The following ZNF567 variants were observed in gnomAD, a reference collection of about 807,000 sequenced individuals.
The protein encoded by ZNF567 is zinc finger protein 567.
In ZNF567, 36 loss-of-function variants were observed where a neutral mutation model predicts 53.9. The ratio of observed to expected loss-of-function variants is 0.67; its 90% CI spans 0.51 to 0.88. The LOEUF (loss-of-function observed/expected upper bound fraction) is 0.88. Among genes scored for constraint, ZNF567 ranks in the 40% least tolerant of loss-of-function variants. The probability of loss-of-function intolerance (pLI) is 0.00; values close to 1 mark genes in which losing one functional copy is unlikely to be tolerated. For missense variants in ZNF567, 619 were observed against 764.7 expected (o/e 0.81, Z 2.25); for synonymous variants, 224 against 260.4 (o/e 0.86, Z 1.35).
the ZNF567 span, among the ~76,000 whole-genome samples, chr19:36,673,182 T>C: frequency 2.0e-5 from 3 of 152,184 alleles, no homozygotes; most frequent in African/African-American, 7.2e-5. Flanking sequence ...GTTAGTTATT[T>C]TTGGTTTTAT....
At chr19:36,671,420 C>T in the ZNF567 span, among the ~76,000 whole-genome samples, 3 of 152,306 alleles carry the variant, frequency 2.0e-5, no homozygotes, top group South Asian at 4.1e-4. Flanking sequence ...TTGGAAGCAA[C>T]GCATTCCTCA....
chr19:36,725,739 C>T (rs1043165526), downstream of ZNF567, among the ~76,000 whole-genome samples: 1 of 152,116 alleles, frequency 6.6e-6, no homozygotes, highest in African/African-American at 2.4e-5. Flanking sequence ...GCCTCGACCT[C>T]CTGGATTTAA....
intron 1 of ZNF567, 57 bp from the exon 2 acceptor site, chr19:36,689,340 A>G (rs1274725413): frequency 6.7e-6 from 1 of 149,836 alleles, no homozygotes; most frequent in Non-Finnish European, 1.5e-5. Flanking sequence ...AGGATACATG[A>G]TTAGTTTCTT....
downstream of ZNF567, among the ~76,000 whole-genome samples, chr19:36,721,732 C>CTTTTTTTTTTTTTTTTTTTTTTTTTTTTT (rs756276834): frequency 8.2e-6 from 1 of 121,654 alleles, no homozygotes; most frequent in Admixed American, 1.0e-4. Context: ...GTACCAGAGT[C>CTTTTTTTTTTTTTTTTTTTTTTTTTTTTT]TTTTTTTTTT....
intron 3 of ZNF567, among the ~76,000 whole-genome samples, chr19:36,702,261 C>T (rs2039235914): frequency 1.3e-5 from 2 of 152,242 alleles, no homozygotes; most frequent in South Asian, 4.2e-4. Flanking sequence ...CCCCCACTGT[C>T]TTCTGGCTTG....
chr19:36,673,656 A>C, the ZNF567 span, among the ~76,000 whole-genome samples: 2 of 152,264 alleles, frequency 1.3e-5, no homozygotes, highest in Admixed American at 1.3e-4. Flanking sequence ...TCCTTAAAAT[A>C]AATCTTTCTG....
downstream of ZNF567, among the ~76,000 whole-genome samples, chr19:36,722,162 C>T (rs545877120): frequency 2.2e-4 from 33 of 152,264 alleles, 1 homozygote; most frequent in South Asian, 4.1e-3. Context: ...GTGACTTCCA[C>T]GGTATCCTTT....
intron 3 of ZNF567, among the ~76,000 whole-genome samples, chr19:36,705,592 A>G (rs1166098932): frequency 1.3e-5 from 2 of 152,182 alleles, no homozygotes; most frequent in Non-Finnish European, 2.9e-5. Flanking sequence ...AGCACAGAGT[A>G]CAGTTTAATT....
At chr19:36,692,313 A>C (rs2038659027) in intron 2 of ZNF567, among the ~76,000 whole-genome samples, 1 of 152,248 alleles carries the variant, frequency 6.6e-6, no homozygotes, top group Non-Finnish European at 1.5e-5. Flanking sequence ...TAATGAATGC[A>C]TGGAAAACTA....
chr19:36,705,323 T>C (rs2039435324), intron 3 of ZNF567, among the ~76,000 whole-genome samples: 1 of 152,206 alleles, frequency 6.6e-6, no homozygotes, highest in Non-Finnish European at 1.5e-5. Flanking sequence ...ATAGAAGCTT[T>C]AAATGCTATA....
chr19:36,669,270 T>A, the ZNF567 span: 1 of 152,084 alleles, frequency 6.6e-6, no homozygotes, highest in Non-Finnish European at 1.5e-5. Context: ...TGTATGACAG[T>A]GAAGGGGTAT....
intron 5 of ZNF567, among the ~76,000 whole-genome samples, chr19:36,716,320 A>G (rs2040064682): frequency 1.3e-5 from 2 of 152,150 alleles, no homozygotes; most frequent in African/African-American, 2.4e-5. Context: ...TTTATACTAT[A>G]TCTTTTAAGT....
At chr19:36,671,077 G>A in the ZNF567 span, among the ~76,000 whole-genome samples, 1 of 152,200 alleles carries the variant, frequency 6.6e-6, no homozygotes, top group Non-Finnish European at 1.5e-5. Flanking sequence ...ACTCCAGCCT[G>A]GGCGACAGAG....
chr19:36,707,738 C>T (rs933228550), intron 3 of ZNF567, among the ~76,000 whole-genome samples: 2 of 151,848 alleles, frequency 1.3e-5, no homozygotes, highest in Non-Finnish European at 2.9e-5. Context: ...CCACCATGCC[C>T]GGCTAATTTT....
At chr19:36,722,905 TGACTA>T (rs1238788992), downstream of ZNF567, among the ~76,000 whole-genome samples, 13 of 151,364 alleles carry the variant, frequency 8.6e-5, no homozygotes, top group Non-Finnish European at 1.5e-4. Context: ...TTGTCTATAA[TGACTA>T]GACATGTCAT....
intron 3 of ZNF567, among the ~76,000 whole-genome samples, chr19:36,706,342 G>A (rs1296658280): frequency 1.3e-5 from 2 of 152,192 alleles, no homozygotes; most frequent in Non-Finnish European, 2.9e-5. Flanking sequence ...AGCCCAGGCT[G>A]GATTTCAGTG....
At chr19:36,698,981 C>A (rs1173587617) in intron 3 of ZNF567, among the ~76,000 whole-genome samples, 2 of 152,150 alleles carry the variant, frequency 1.3e-5, no homozygotes, top group Admixed American at 1.3e-4. Flanking sequence ...GTGTTTTAGT[C>A]ATGGAGTCCT....
At chr19:36,670,868 A>C in the ZNF567 span, among the ~76,000 whole-genome samples, 9 of 152,132 alleles carry the variant, frequency 5.9e-5, no homozygotes, top group Admixed American at 5.2e-4. Flanking sequence ...TTGGGAGGCC[A>C]AGGCATGTGG....
chr19:36,708,094 C>T (rs1362572306), intron 3 of ZNF567, among the ~76,000 whole-genome samples: 2 of 152,022 alleles, frequency 1.3e-5, no homozygotes, highest in African/African-American at 4.8e-5. Flanking sequence ...CAGGGTTTTG[C>T]TATGTTGCCC....
Sources: allele counts gnomAD v4.1 joint callset (sites outside exome capture counted in the v4.1 genomes callset), GRCh38; gene constraint gnomAD v4.1.1; transcripts MANE v1.5; gene names NCBI Gene and HGNC (gene_info 2026-07-23, HGNC 2026-07-21).